EYS: variants seen among roughly 807,000 people sequenced by gnomAD.
The protein encoded by EYS is EGF-like photoreceptor maintenance factor, also known as protein eyes shut homolog.
In EYS, 250 loss-of-function variants were observed where a neutral mutation model predicts 282.1. The ratio of observed to expected loss-of-function variants is 0.89; its 90% confidence interval spans 0.80 to 0.98. EYS has a LOEUF of 0.98. EYS is among the 50% of genes least tolerant of loss of function. The pLI is 0.00. For synonymous variants in EYS, 1,355 were observed against 1,282.9 expected, an observed-to-expected ratio of 1.06 and a Z score of -1.20; for missense variants, 4,016 against 3,709.0, an observed-to-expected ratio of 1.08 and a Z score of -2.15.
At chr6:65,403,791 T>C (rs1279170279) in intron 6 of EYS, among the ~76,000 whole-genome samples, 1 of 152,134 alleles carries the variant, frequency 6.6e-6, no homozygotes, top group Non-Finnish European at 1.5e-5. Flanking sequence ...CCACTAAAAG[T>C]CGCTTCTTAT....
chr6:65,028,507 C>A (rs371647368), intron 13 of EYS, among the ~76,000 whole-genome samples: 1 of 151,890 alleles, frequency 6.6e-6, no homozygotes, highest in Non-Finnish European at 1.5e-5. Flanking sequence ...ATAATGTATA[C>A]ATAAAATTTG....
intron 2 of EYS, among the ~76,000 whole-genome samples, chr6:65,601,085 C>A (rs1765602849): frequency 6.6e-6 from 1 of 151,672 alleles, no homozygotes; most frequent in Admixed American, 6.6e-5. Flanking sequence ...TTAAGTAATG[C>A]AGAATTTATA....
chr6:63,753,396 C>G (rs1769395461), intron 41 of EYS, among the ~76,000 whole-genome samples: 3 of 151,692 alleles, frequency 2.0e-5, no homozygotes, highest in Admixed American at 6.6e-5. Flanking sequence ...TGTTGAGACC[C>G]ATCTATTTGG....
chr6:64,080,070 T>C (rs1771911370), intron 32 of EYS, among the ~76,000 whole-genome samples: 1 of 152,244 alleles, frequency 6.6e-6, no homozygotes, highest in Non-Finnish European at 1.5e-5. Flanking sequence ...TTATAATACT[T>C]TGGGTATTAC....
intron 24 of EYS, among the ~76,000 whole-genome samples, chr6:64,616,069 T>A (rs114040888): frequency 0.011 from 1,675 of 152,222 alleles, 30 homozygotes; most frequent in African/African-American, 0.038. Context: ...TTATAGATAT[T>A]TGGTAGTAAA....
intron 1 of EYS, among the ~76,000 whole-genome samples, chr6:65,651,515 T>A (rs747470909): frequency 1.2e-4 from 18 of 152,042 alleles, no homozygotes; most frequent in Non-Finnish European, 2.4e-4. Context: ...TCTTATGATA[T>A]CTTCATGTAT....
chr6:65,082,914 A>T (rs561333801), intron 12 of EYS, among the ~76,000 whole-genome samples: 1 of 152,142 alleles, frequency 6.6e-6, no homozygotes, highest in Non-Finnish European at 1.5e-5. Flanking sequence ...ATTTGCTTTG[A>T]GGCATTTTAT....
At chr6:64,698,613 A>G (rs1036163996) in intron 22 of EYS, among the ~76,000 whole-genome samples, 3 of 152,136 alleles carry the variant, frequency 2.0e-5, no homozygotes, top group African/African-American at 7.2e-5. Context: ...TGGACCGTCT[A>G]TAAGAAACTT....
At chr6:65,325,691 T>G (rs1769599844) in intron 11 of EYS, among the ~76,000 whole-genome samples, 1 of 152,206 alleles carries the variant, frequency 6.6e-6, no homozygotes, top group East Asian at 1.9e-4. Context: ...TTGGGTGGCC[T>G]GTTGAAATGT....
chr6:63,891,235 A>T (rs1303285723), intron 35 of EYS, among the ~76,000 whole-genome samples: 3 of 152,142 alleles, frequency 2.0e-5, no homozygotes, highest in Non-Finnish European at 4.4e-5. Flanking sequence ...AACTCATTTT[A>T]TGAGGCCAGC....
At chr6:64,081,514 G>T (rs1771967083) in intron 32 of EYS, among the ~76,000 whole-genome samples, 1 of 152,154 alleles carries the variant, frequency 6.6e-6, no homozygotes, top group Non-Finnish European at 1.5e-5. Flanking sequence ...AAGTTATCAA[G>T]TATTGAATGT....
At chr6:63,801,038 T>G (rs1770771674) in intron 37 of EYS, among the ~76,000 whole-genome samples, 1 of 152,032 alleles carries the variant, frequency 6.6e-6, no homozygotes, top group African/African-American at 2.4e-5. Context: ...TGCAAATGGG[T>G]AGGGGCTTGA....
intron 11 of EYS, among the ~76,000 whole-genome samples, chr6:65,321,284 G>A (rs558100411): frequency 1.3e-5 from 2 of 151,886 alleles, no homozygotes; most frequent in Non-Finnish European, 2.9e-5. Flanking sequence ...AAAACAGACT[G>A]GGAATTTGTT....
intron 31 of EYS, among the ~76,000 whole-genome samples, chr6:64,153,007 A>G: frequency 6.6e-6 from 1 of 152,164 alleles, no homozygotes; most frequent in East Asian, 1.9e-4. Flanking sequence ...CTCACATCTC[A>G]GTGTGCTTAA....
intron 30 of EYS, among the ~76,000 whole-genome samples, chr6:64,278,380 T>C (rs1325406916): frequency 1.3e-5 from 2 of 152,162 alleles, no homozygotes; most frequent in Admixed American, 6.6e-5. Flanking sequence ...TTATTCATTC[T>C]TATTAAGAAA....
At chr6:65,473,208 A>C (rs1339995325) in intron 5 of EYS, among the ~76,000 whole-genome samples, 1 of 151,988 alleles carries the variant, frequency 6.6e-6, no homozygotes, top group African/African-American at 2.4e-5. Flanking sequence ...TGTATGGTTA[A>C]GAATAAATTG....
intron 5 of EYS, among the ~76,000 whole-genome samples, chr6:65,460,002 AT>A (rs1764767914): frequency 1.7e-5 from 2 of 116,204 alleles, no homozygotes; most frequent in Non-Finnish European, 3.5e-5. Flanking sequence ...ATATATATAT[AT>A]ATATAATTTT....
intron 31 of EYS, among the ~76,000 whole-genome samples, chr6:64,089,744 G>A (rs1244551534): frequency 1.3e-5 from 2 of 151,926 alleles, no homozygotes; most frequent in Non-Finnish European, 2.9e-5. Context: ...GTTGCTGTTA[G>A]TACAGCTGTT....
At chr6:64,997,524 T>C (rs1771307281) in intron 14 of EYS, 58 bp downstream of exon 14, 2 of 1,476,392 alleles carry the variant, frequency 1.4e-6, no homozygotes, top group South Asian at 1.2e-5. Flanking sequence ...TATTTGTACA[T>C]AGGTGTTAAA....
Sources: gnomAD v4.1 joint callset for allele counts (sites outside exome capture counted in the v4.1 genomes callset) on GRCh38, gnomAD v4.1.1 for gene constraint, MANE v1.5 for transcripts, NCBI Gene and HGNC (gene_info 2026-07-23, HGNC 2026-07-21) for gene names.